The following EHBP1 variants were observed in gnomAD, a reference collection of about 807,000 sequenced individuals.
The protein encoded by EHBP1 is EH domain-binding protein 1.
EHBP1 carries 55 observed loss-of-function variants against 144.0 expected under a neutral mutation model. That is an observed-to-expected ratio of 0.38 (90% confidence interval 0.31 to 0.48). The LOEUF (loss-of-function observed/expected upper bound fraction) is 0.48, where lower values mean the gene tolerates loss of function less well. Ranked by LOEUF, EHBP1 falls within the 20% of genes least tolerant of loss-of-function variation. The probability of loss-of-function intolerance (pLI) is 0.98; values close to 1 mark genes in which losing one functional copy is unlikely to be tolerated. For synonymous variants in EHBP1, 469 were observed against 472.7 expected, an observed-to-expected ratio of 0.99 and a Z score of 0.10; for missense variants, 1,200 against 1,364.2, an observed-to-expected ratio of 0.88 and a Z score of 1.90.
intron 7 of EHBP1, among the ~76,000 whole-genome samples, chr2:62,845,450 A>G (rs2048222846): frequency 6.6e-6 from 1 of 152,186 alleles, no homozygotes. Flanking sequence ...GGAGATACCA[A>G]TTACATATTA....
intron 2 of EHBP1, among the ~76,000 whole-genome samples, chr2:62,734,881 A>G (rs1319237318): frequency 6.6e-6 from 1 of 152,160 alleles, no homozygotes; most frequent in Non-Finnish European, 1.5e-5. Flanking sequence ...GGCGTGAGCC[A>G]CTGTGCATGG....
intron 1 of EHBP1, among the ~76,000 whole-genome samples, chr2:62,679,799 T>G (rs1210581785): frequency 6.6e-6 from 1 of 152,236 alleles, no homozygotes; most frequent in African/African-American, 2.4e-5. Flanking sequence ...ACTTCAAGGT[T>G]AAATCCCAAA....
chr2:62,966,546 G>A (rs993966009), intron 14 of EHBP1, among the ~76,000 whole-genome samples: 2 of 152,152 alleles, frequency 1.3e-5, no homozygotes, highest in Non-Finnish European at 2.9e-5. Context: ...AACTGAAAGA[G>A]AGTTATGTAT....
At chr2:63,002,508 G>A (rs1269749159) in intron 19 of EHBP1, among the ~76,000 whole-genome samples, 1 of 152,002 alleles carries the variant, frequency 6.6e-6, no homozygotes, top group Non-Finnish European at 1.5e-5. Context: ...TGGCATGAAT[G>A]CTGGTTCAGT....
At chr2:62,924,610 A>T (rs899900404) in intron 10 of EHBP1, among the ~76,000 whole-genome samples, 3 of 152,216 alleles carry the variant, frequency 2.0e-5, no homozygotes, top group African/African-American at 7.2e-5. Flanking sequence ...ACCTAGAGGA[A>T]ATGGATAAAT....
At chr2:62,834,419 C>A (rs1366693727) in intron 7 of EHBP1, among the ~76,000 whole-genome samples, 1 of 152,168 alleles carries the variant, frequency 6.6e-6, no homozygotes, top group Non-Finnish European at 1.5e-5. Flanking sequence ...CCTTCAGCAA[C>A]CACCACCCTA....
intron 9 of EHBP1, among the ~76,000 whole-genome samples, chr2:62,871,739 G>A (rs147289443): frequency 1.2e-3 from 189 of 152,270 alleles, no homozygotes; most frequent in African/African-American, 4.3e-3. Flanking sequence ...ATCCTTTGAT[G>A]TGTGGAACTA....
intron 10 of EHBP1, among the ~76,000 whole-genome samples, chr2:62,917,403 A>G (rs942755088): frequency 6.7e-6 from 1 of 149,700 alleles, no homozygotes; most frequent in African/African-American, 2.4e-5. Context: ...CTGAAACATT[A>G]TGCAGTACGT....
intron 19 of EHBP1, among the ~76,000 whole-genome samples, chr2:63,009,212 A>G (rs2060173093): frequency 6.6e-6 from 1 of 151,670 alleles, no homozygotes; most frequent in Non-Finnish European, 1.5e-5. Context: ...TCCCAAGAGA[A>G]TACTTTACAC....
intron 10 of EHBP1, among the ~76,000 whole-genome samples, chr2:62,898,015 G>A (rs1166724404): frequency 1.3e-5 from 2 of 152,148 alleles, no homozygotes; most frequent in African/African-American, 4.8e-5. Flanking sequence ...TAGAATGACT[G>A]AGCATGAGGA....
chr2:62,775,744 T>A (rs1379899081), intron 5 of EHBP1, among the ~76,000 whole-genome samples: 1 of 152,210 alleles, frequency 6.6e-6, no homozygotes, highest in Non-Finnish European at 1.5e-5. Context: ...TTATAATAAC[T>A]CTGGTGTGAG....
At chr2:62,716,945 T>C (rs925760890) in intron 2 of EHBP1, among the ~76,000 whole-genome samples, 1 of 152,208 alleles carries the variant, frequency 6.6e-6, no homozygotes, top group African/African-American at 2.4e-5. Context: ...TTCATTATCT[T>C]TTGTAGCAAC....
At chr2:62,978,989 A>G (rs1434972099) in intron 14 of EHBP1, among the ~76,000 whole-genome samples, 199 bp from the exon 15 acceptor site, 2 of 152,230 alleles carry the variant, frequency 1.3e-5, no homozygotes, top group Admixed American at 6.5e-5. Flanking sequence ...TTTTAATACA[A>G]TAATTTGTAA....
chr2:62,785,753 T>C (rs1387702730), intron 5 of EHBP1, among the ~76,000 whole-genome samples: 3 of 152,248 alleles, frequency 2.0e-5, no homozygotes, highest in African/African-American at 7.2e-5. Flanking sequence ...CATTGGTTTC[T>C]AGTGTTTTTA....
chr2:62,806,890 A>G lies in EHBP1; in HGVS notation c.313-19197A>G, dbSNP rs1040886498. Among the ~76,000 whole-genome samples, 17 of 152,208 alleles carry G rather than the reference A, an allele frequency of 1.1e-4. No individual in the cohort carries two copies. In the South Asian group the frequency reaches 2.9e-3, roughly 26 times the overall value. On this transcript the variant is annotated intron_variant, in intron 5 of 22. Coordinates refer to ENST00000431489, the MANE Select transcript of EHBP1 (RefSeq NM_001142616.3). ...CTATTTTCTCTCTCTAGTCTCTTAC[A>G]TCATTGCTGCTATTCTTTTTACTTA...
intron 10 of EHBP1, among the ~76,000 whole-genome samples, chr2:62,895,031 G>GA (rs1368332649): frequency 6.6e-6 from 1 of 152,006 alleles, no homozygotes; most frequent in Non-Finnish European, 1.5e-5. Flanking sequence ...CTGTACGGAT[G>GA]AATCTCAAAT....
chr2:62,869,365 T>G (rs1023123638), intron 9 of EHBP1, among the ~76,000 whole-genome samples: 7 of 152,196 alleles, frequency 4.6e-5, no homozygotes, highest in Admixed American at 2.6e-4. Context: ...CTTTATTGAT[T>G]ATAATAACAA....
chr2:62,915,364 C>G (rs1052087957), intron 10 of EHBP1, among the ~76,000 whole-genome samples: 1 of 152,070 alleles, frequency 6.6e-6, no homozygotes, highest in Non-Finnish European at 1.5e-5. Flanking sequence ...GGTAGTATAT[C>G]TCACTTAAAT....
At chr2:62,840,910 A>G (rs956924666) in intron 7 of EHBP1, among the ~76,000 whole-genome samples, 9 of 152,142 alleles carry the variant, frequency 5.9e-5, no homozygotes, top group Non-Finnish European at 1.2e-4. Flanking sequence ...AACTAGTTCA[A>G]CCATTGTGGA....
Sources: allele counts gnomAD v4.1 joint callset (sites outside exome capture counted in the v4.1 genomes callset), GRCh38; gene constraint gnomAD v4.1.1; transcripts MANE v1.5; gene names NCBI Gene and HGNC (gene_info 2026-07-23, HGNC 2026-07-21).